The following DIP2C variants were observed in gnomAD, a reference collection of about 807,000 sequenced individuals.
DIP2C encodes the protein DIP2 acetate--CoA ligase C (putative), also known as disco-interacting protein 2 homolog C.
DIP2C carries 33 observed loss-of-function variants against 192.4 expected under a neutral mutation model. The ratio of observed to expected loss-of-function variants is 0.17; its 90% confidence interval spans 0.13 to 0.23. DIP2C has a LOEUF of 0.23. DIP2C is among the 10% of genes least tolerant of loss of function. DIP2C has a pLI of 1.00. For synonymous variants in DIP2C, 979 were observed against 864.1 expected (o/e 1.13, Z -2.33); for missense variants, 1,537 against 2,110.1 (o/e 0.73, Z 5.32).
At position 375,891 on chromosome 10, in the gene DIP2C, G is replaced by A. The variant is rs570653777; in HGVS notation, c.1992-6258C>T. Reference sequence around the variant, plus strand: ...GTCTTTCATTTTTTTTATCTTATACGGGCGATCTCCAATGTAGTATTCCTC... The same window carrying A: ...GTCTTTCATTTTTTTTATCTTATACAGGCGATCTCCAATGTAGTATTCCTC... On this transcript the variant is annotated intron_variant, in intron 17 of 36. Coordinates refer to ENST00000280886, the MANE Select transcript of DIP2C (RefSeq NM_014974.3). Among the ~76,000 whole-genome samples, 9 of 152,152 alleles carry A rather than the reference G, an allele frequency of 5.9e-5. No homozygotes were observed. The South Asian group carries it at 1.2e-3, about 21-fold the overall frequency.
intron 17 of DIP2C, among the ~76,000 whole-genome samples, chr10:375,998 C>T (rs1197242009): frequency 1.3e-5 from 2 of 152,216 alleles, no homozygotes; most frequent in African/African-American, 4.8e-5. Flanking sequence ...CACAGCATTT[C>T]TATGCAACGG....
chr10:539,837 C>G (rs1847883618), intron 1 of DIP2C, among the ~76,000 whole-genome samples: 1 of 152,166 alleles, frequency 6.6e-6, no homozygotes, highest in African/African-American at 2.4e-5. Flanking sequence ...ACAGCTATAT[C>G]ATAGAATAAC....
intron 1 of DIP2C, among the ~76,000 whole-genome samples, chr10:682,443 A>C (rs574073791): frequency 6.6e-6 from 1 of 152,220 alleles, no homozygotes; most frequent in Admixed American, 6.5e-5. Flanking sequence ...TAAAACTACC[A>C]GCCAAACACC....
At chr10:578,877 A>G (rs1850364934) in intron 1 of DIP2C, among the ~76,000 whole-genome samples, 2 of 152,122 alleles carry the variant, frequency 1.3e-5, no homozygotes, top group Non-Finnish European at 2.9e-5. Context: ...ACACACATGT[A>G]CGTGCATAGA....
At chr10:669,001 C>G (rs1338045153) in intron 1 of DIP2C, 1 of 152,190 alleles carries the variant, frequency 6.6e-6, no homozygotes, top group Non-Finnish European at 1.5e-5. Flanking sequence ...ACTCTCTCAT[C>G]TGCAGAGCTC....
chr10:357,684 G>A, intron 23 of DIP2C, 144 bp downstream of exon 23: 2 of 589,266 alleles, frequency 3.4e-6, no homozygotes, highest in South Asian at 2.5e-5. Flanking sequence ...GGACTGTCGG[G>A]GACGGTTGCG....
chr10:376,712 TC>T (rs1181680064), intron 17 of DIP2C, among the ~76,000 whole-genome samples: 3 of 152,174 alleles, frequency 2.0e-5, no homozygotes, highest in Non-Finnish European at 4.4e-5. Flanking sequence ...TCCTCTGCTT[TC>T]TTTCCTCTCT....
At chr10:423,683 G>A (rs1390849930) in intron 4 of DIP2C, among the ~76,000 whole-genome samples, 2 of 152,162 alleles carry the variant, frequency 1.3e-5, no homozygotes, top group Non-Finnish European at 2.9e-5. Flanking sequence ...TTGTGCGTTG[G>A]TGTGTTAGAT....
chr10:649,680 T>C (rs1008672419), intron 1 of DIP2C, among the ~76,000 whole-genome samples: 3 of 152,232 alleles, frequency 2.0e-5, no homozygotes, highest in Non-Finnish European at 2.9e-5. Context: ...GCTATTCAAA[T>C]TCTCGATGAA....
chr10:607,760 A>G (rs1418213732), intron 1 of DIP2C, among the ~76,000 whole-genome samples: 1 of 152,134 alleles, frequency 6.6e-6, no homozygotes, highest in Admixed American at 6.5e-5. Flanking sequence ...TTCTGTCTTC[A>G]GAGACAATGG....
chr10:330,650 GT>G (rs566210340), intron 29 of DIP2C, among the ~76,000 whole-genome samples: 1,660 of 141,390 alleles, frequency 0.012, 9 homozygotes, highest in Non-Finnish European at 0.018. Context: ...CACCATGCTT[GT>G]TTTTTTTTTT....
At chr10:589,163 G>A (rs762304452) in intron 1 of DIP2C, among the ~76,000 whole-genome samples, 12 of 152,160 alleles carry the variant, frequency 7.9e-5, no homozygotes, top group Admixed American at 2.6e-4. Flanking sequence ...GTCTCTGCCC[G>A]CTTTTAAGTC....
chr10:617,917 A>G (rs1338393362), intron 1 of DIP2C, among the ~76,000 whole-genome samples: 1 of 148,984 alleles, frequency 6.7e-6, no homozygotes, highest in Non-Finnish European at 1.5e-5. Flanking sequence ...ACAGAAATCC[A>G]CTTTGACTTC....
At chr10:415,722 G>A in intron 7 of DIP2C, 47 bp downstream of exon 7, 4 of 1,605,864 alleles carry the variant, frequency 2.5e-6, no homozygotes, top group Non-Finnish European at 3.4e-6. Context: ...TTGTTTACGG[G>A]ACCATAGGAG....
At chr10:475,449 G>A (rs1348287149) in intron 2 of DIP2C, among the ~76,000 whole-genome samples, 1 of 152,090 alleles carries the variant, frequency 6.6e-6, no homozygotes, top group African/African-American at 2.4e-5. Flanking sequence ...ACACCTATCT[G>A]GTCCACTCAA....
intron 1 of DIP2C, among the ~76,000 whole-genome samples, chr10:605,136 C>G (rs1852373738): frequency 6.6e-6 from 1 of 152,230 alleles, no homozygotes; most frequent in Non-Finnish European, 1.5e-5. Context: ...GCCGTGAGCG[C>G]AGCCCTGGCT....
At chr10:585,898 G>A (rs1279906405) in intron 1 of DIP2C, among the ~76,000 whole-genome samples, 4 of 152,158 alleles carry the variant, frequency 2.6e-5, no homozygotes, top group Non-Finnish European at 5.9e-5. Flanking sequence ...CCATATTAGA[G>A]GGTTAAGGGG....
intron 33 of DIP2C, among the ~76,000 whole-genome samples, chr10:288,085 T>C (rs1158099642): frequency 6.6e-6 from 1 of 151,134 alleles, no homozygotes; most frequent in African/African-American, 2.4e-5. Flanking sequence ...GAGGGGCCCC[T>C]GGTAATTGGG....
At chr10:336,874 CGT>C (rs1957797663) in intron 29 of DIP2C, among the ~76,000 whole-genome samples, 1 of 107,278 alleles carries the variant, frequency 9.3e-6, no homozygotes. Flanking sequence ...TGTGTGTGCG[CGT>C]GTTGTGGAGG....
Sources: allele counts gnomAD v4.1 joint callset (sites outside exome capture counted in the v4.1 genomes callset), GRCh38; gene constraint gnomAD v4.1.1; transcripts MANE v1.5; gene names NCBI Gene and HGNC (gene_info 2026-07-23, HGNC 2026-07-21).